Variants in PAPOLB observed in about 807,000 individuals in gnomAD.
PAPOLB encodes the protein poly(A) polymerase beta.
A neutral mutation model predicts 23.2 loss-of-function variants in PAPOLB; 19 were observed. That is an observed-to-expected ratio of 0.82 (90% CI 0.57 to 1.20). PAPOLB has a LOEUF of 1.20. Among genes scored for constraint, PAPOLB ranks in the 50% most tolerant of loss-of-function variants. PAPOLB has a pLI of 0.00. For synonymous variants in PAPOLB, 360 were observed against 290.7 expected, an observed-to-expected ratio of 1.24 and a Z score of -2.43; for missense variants, 822 against 776.8, an observed-to-expected ratio of 1.06 and a Z score of -0.69.
Position 4,858,285 on chromosome 7 carries a change from G to T in PAPOLB, c.*1612C>A, listed in dbSNP as rs781521587. 1 of 152,142 alleles carries T rather than the reference G, an allele frequency of 6.6e-6. No individual in the cohort carries two copies. The highest frequency in any genetic ancestry group is 2.4e-5 in the African/African-American group (1 of 41,414). 9.4% of individuals were successfully genotyped at this position (152,142 alleles called of 1,614,324 possible). A position where few individuals can be genotyped will look rare whatever the true frequency, so the allele number is the denominator to read the frequency against. On this transcript the variant is annotated 3_prime_UTR_variant, in exon 1 of 1. Coordinates refer to ENST00000404991, the MANE Select transcript of PAPOLB (RefSeq NM_020144.5). The stretch of plus-strand genomic sequence containing the variant: ...TGCAGAGTTAGAGGAGGGACGGGAG[G>T]GGTTAAAGCAAGGCTAATTGGAAAG...
chr7:4,860,283 AGTGTGCTTTCTTG>A lies in PAPOLB; in HGVS notation c.1515_1527del (p.Lys506GlnfsTer7), dbSNP rs1392290901. The A allele has an allele frequency of 2.1e-5, 34 of 1,613,830 alleles. No individual in the cohort carries two copies. The highest frequency in any genetic ancestry group is 2.6e-5 in the Non-Finnish European group (31 of 1,179,876). ...TCTGTCAATCTTCTACCTTCTGTTG[AGTGTGCTTTCTTG>A]TCCTGAAGCACATGATGAGGCAGCA... On this transcript the variant is annotated frameshift_variant, in exon 1 of 1. Transcript: ENST00000404991.
rs375018639 is a variant in PAPOLB, at chr7:4,860,394, C to T, written c.1417G>A (p.Val473Met). 1.9e-6 allele frequency: 3 copies of T among 1,614,004 alleles called. No individual in the cohort carries two copies. In the South Asian group the frequency reaches 3.3e-5, roughly 18 times the overall value. Reference protein sequence around the residue: ...SFTDTVYRQAVNSKMFEMGMK... With the variant: ...SFTDTVYRQAMNSKMFEMGMK... ...CCCATCTCAAACATCTTACTATTCACTGCTTGCCTATAAACAGTATCTGTG... is the reference window on the plus strand; with the variant it reads ...CCCATCTCAAACATCTTACTATTCATTGCTTGCCTATAAACAGTATCTGTG... Residue 473 changes from valine (V) to methionine (M), a missense_variant, in exon 1 of 1, where the codon GTG (valine) becomes ATG (methionine). Transcript: ENST00000404991.
chr7:4,860,727 G>C lies in PAPOLB; in HGVS notation c.1084C>G (p.Leu362Val), dbSNP rs764807553. The stretch of plus-strand genomic sequence containing the variant: ...TGAAAGAAGCTTGGAGCTTCAAAGA[G>C]TTTGGACCACTCTGCCTTACTTAGC... ...ILLSKAEWSK[L>V]FEAPSFFQKY... is the part of the protein sequence containing the mutation. Residue 362 changes from leucine (L) to valine (V), a missense_variant, in exon 1 of 1, where the codon CTC becomes GTC. By Grantham distance (32) the Leu-to-Val change is conservative. Coordinates refer to ENST00000404991, the MANE Select transcript of PAPOLB (RefSeq NM_020144.5). 6 of 1,614,134 alleles carry C rather than the reference G, an allele frequency of 3.7e-6. No individual in the cohort carries two copies. In the East Asian group the frequency reaches 8.9e-5, roughly 24 times the overall value.
rs1260112401 is a variant in PAPOLB, at chr7:4,860,760, C to T, written c.1051G>A (p.Glu351Lys). 15 of 1,613,994 alleles carry T rather than the reference C, an allele frequency of 9.3e-6. No homozygotes were observed. Among genetic ancestry groups the T allele is most frequent in the South Asian group, 2.2e-5 (2 of 91,074 alleles). ...CACTCTGCCTTACTTAGCAAAATCT[C>T]GTGTGTGATAGCAAGCCCCTGTTTA... is the stretch of plus-strand genomic sequence containing the variant. ...EFKQGLAITH[E>K]ILLSKAEWSK... The change falls in exon 1 of 1, where the codon GAG becomes AAG. Residue 351 changes from glutamate to lysine, a missense_variant. Glu to Lys is a moderately conservative substitution (Grantham distance 56). Transcript: ENST00000404991.
rs1191463750 is a variant in PAPOLB at position 4,861,095 on chromosome 7, G to A, written c.716C>T (p.Ser239Phe). Residue 239 changes from serine (S) to phenylalanine (F), a missense_variant, in exon 1 of 1, where the codon TCC becomes TTC. Around this residue, in one of 3 missense-constraint regions of PAPOLB, gnomAD observed 534 missense variants for 502.8 expected, o/e 1.06. Coordinates refer to ENST00000404991, the MANE Select transcript of PAPOLB (RefSeq NM_020144.5). ...KLWAKCHNIY[S>F]NILGFLGGVS... is the part of the protein sequence containing the mutation. The stretch of plus-strand genomic sequence containing the variant: ...ACCTCCGAGGAAACCTAATATATTG[G>A]AATAGATATTGTGGCACTTGGCCCA... The A allele has an allele frequency of 6.2e-7, 1 of 1,614,166 alleles. No individual in the cohort carries two copies. The highest frequency in any genetic ancestry group is 8.5e-7 in the Non-Finnish European group (1 of 1,179,996).
rs1783920326 is a variant in PAPOLB, at chr7:4,859,525, GC to G, written c.*371del. ...TAATGTGGACTTCTGATCAAGACTG[GC>G]TCAGTAAAGGAAGTTACCAAATGAG... is the stretch of plus-strand genomic sequence containing the variant. On this transcript the variant is annotated 3_prime_UTR_variant, in exon 1 of 1. Transcript: ENST00000404991. The G allele has an allele frequency of 5.0e-6, 1 of 199,202 alleles. No homozygotes were observed. Among genetic ancestry groups the G allele is most frequent in the African/African-American group, 2.4e-5 (1 of 42,428 alleles). The allele number at this position is 199,202 out of a possible 1,614,324, so 12.3% of individuals were successfully genotyped here.
chr7:4,860,554 T>C lies in PAPOLB; in HGVS notation c.1257A>G (p.Pro419=), dbSNP rs762298665. The C allele has an allele frequency of 8.1e-6, 13 of 1,614,132 alleles. No individual in the cohort carries two copies. The East Asian group carries it at 2.7e-4, about 33-fold the overall frequency. ...TTTCTTTGGGTGCTGGAAATGACTG[T>C]GGATTCACATGTGCCAGTGTAATAA... ...NEFITLAHVN[P]QSFPAPKENP... Residue 419 remains proline (P), a synonymous_variant, in exon 1 of 1, where the codon CCA becomes CCG. Transcript: ENST00000404991.
In PAPOLB at chr7:4,861,384, C is replaced by G; in HGVS notation, c.427G>C (p.Glu143Gln). The change falls in exon 1 of 1, where the codon GAA (glutamate) becomes CAA (glutamine). Residue 143 changes from glutamate (E) to glutamine (Q), a missense_variant. Physicochemically the swap from Glu to Gln is conservative, Grantham distance 29. Coordinates refer to ENST00000404991, the MANE Select transcript of PAPOLB (RefSeq NM_020144.5). ...TCGACAGCCCTTAAATCTTTCACTT[C>G]CTCCTGTAGTTTCAGTTTAGCATAG... ...SFYAKLKLQE[E>Q]VKDLRAVEEA... is the part of the protein sequence containing the mutation. 6.2e-7 allele frequency: 1 copy of G among 1,614,222 alleles called. No individual in the cohort carries two copies. Among genetic ancestry groups the G allele is most frequent in the Non-Finnish European group, 8.5e-7 (1 of 1,180,028 alleles).
chr7:4,860,682 C>A lies in PAPOLB; in HGVS notation c.1129G>T (p.Val377Leu). 1 of 1,614,166 alleles carries A rather than the reference C, an allele frequency of 6.2e-7. No individual in the cohort carries two copies. Among genetic ancestry groups the A allele is most frequent in the East Asian group, 2.2e-5 (1 of 44,884 alleles). ...TCTGTTGATGCACTTGCCAGAAGTA[C>A]AATATAATGCTTGTACTTTTGAAAG... ...SFFQKYKHYIVLLASASTEKQ... is the reference protein window; with the variant it reads ...SFFQKYKHYILLLASASTEKQ... Residue 377 changes from valine to leucine, a missense_variant, in exon 1 of 1, where the codon GTA (valine) becomes TTA (leucine). By Grantham distance (32) the Val-to-Leu change is conservative. Around this residue, in one of 3 missense-constraint regions of PAPOLB, gnomAD observed 534 missense variants for 502.8 expected, o/e 1.06. Coordinates refer to ENST00000404991, the MANE Select transcript of PAPOLB (RefSeq NM_020144.5).
chr7:4,861,046 T>C lies in PAPOLB; in HGVS notation c.765A>G (p.Ala255=), dbSNP rs1392538042. 6.2e-7 allele frequency: 1 copy of C among 1,614,234 alleles called. No individual in the cohort carries two copies. Among genetic ancestry groups the C allele is most frequent in the African/African-American group, 1.3e-5 (1 of 75,062 alleles). The change falls in exon 1 of 1, where the codon GCA becomes GCG. Residue 255 remains alanine (A), a synonymous_variant. Transcript: ENST00000404991. ...CATTTGGATAAAGCTGACAAGTTCTTGCTACTAGCATGGCCCAGGAAACAC... is the reference window on the plus strand; with the variant it reads ...CATTTGGATAAAGCTGACAAGTTCTCGCTACTAGCATGGCCCAGGAAACAC... ...LGGVSWAMLV[A]RTCQLYPNAV...
chr7:4,861,865 C>G lies in PAPOLB; in HGVS notation c.-55G>C. On this transcript the variant is annotated 5_prime_UTR_variant, in exon 1 of 1. Coordinates refer to ENST00000404991, the MANE Select transcript of PAPOLB (RefSeq NM_020144.5). ...CCCCCACCACCGCGACCTTCGCGGC[C>G]GCCGCCCGGGTCATGATCCGCTGAG... 2.4e-6 allele frequency: 3 copies of G among 1,256,634 alleles called. No homozygotes were observed. Among genetic ancestry groups the G allele is most frequent in the Non-Finnish European group, 3.2e-6 (3 of 951,056 alleles). The allele number at this position is 1,256,634 out of a possible 1,614,324, so 77.8% of individuals were successfully genotyped here.
In PAPOLB at chr7:4,859,409, G is replaced by A. The variant is rs1783916417; in HGVS notation, c.*488C>T. 6.4e-6 allele frequency: 1 copy of A among 155,980 alleles called. No homozygotes were observed. Among genetic ancestry groups the A allele is most frequent in the Non-Finnish European group, 1.4e-5 (1 of 70,250 alleles). The allele number at this position is 155,980 out of a possible 1,614,324, so 9.7% of individuals were successfully genotyped here. Reference sequence around the variant, plus strand: ...GTCACGGGTACAAACATAGCTGAAAGGTTTTTTCATTTTAAGGGCAGTAGT... The same window carrying A: ...GTCACGGGTACAAACATAGCTGAAAAGTTTTTTCATTTTAAGGGCAGTAGT... On this transcript the variant is annotated 3_prime_UTR_variant, in exon 1 of 1. Coordinates refer to ENST00000404991, the MANE Select transcript of PAPOLB (RefSeq NM_020144.5).
Position 4,860,672 on chromosome 7 carries a change from G to A in PAPOLB, c.1139C>T (p.Ala380Val). 1 of 1,614,088 alleles carries A rather than the reference G, an allele frequency of 6.2e-7. No homozygotes were observed. Among genetic ancestry groups the A allele is most frequent in the Non-Finnish European group, 8.5e-7 (1 of 1,179,970 alleles). Residue 380 changes from alanine to valine, a missense_variant, in exon 1 of 1, where the codon GCA (alanine) becomes GTA (valine). Physicochemically the swap from Ala to Val is moderately conservative, Grantham distance 64. Around this residue, in one of 3 missense-constraint regions of PAPOLB, gnomAD observed 534 missense variants for 502.8 expected, o/e 1.06. Coordinates refer to ENST00000404991, the MANE Select transcript of PAPOLB (RefSeq NM_020144.5). ...ATGTTGTTTTTCTGTTGATGCACTT[G>A]CCAGAAGTACAATATAATGCTTGTA... ...QKYKHYIVLL[A>V]SASTEKQHLE...
chr7:4,861,525 C>T lies in PAPOLB; in HGVS notation c.286G>A (p.Gly96Arg), dbSNP rs775933291. Residue 96 changes from glycine to arginine, a missense_variant, in exon 1 of 1, where the codon GGA becomes AGA. Coordinates refer to ENST00000404991, the MANE Select transcript of PAPOLB (RefSeq NM_020144.5). ...LPQSVIENVGGKIFTFGSYRL... is the reference protein window; with the variant it reads ...LPQSVIENVGRKIFTFGSYRL... ...TAAGAGCCAAACGTAAAAATCTTTC[C>T]TCCAACGTTTTCAATTACAGACTGG... 1.9e-6 allele frequency: 3 copies of T among 1,613,950 alleles called. No homozygotes were observed. The East Asian group carries it at 6.7e-5, about 36-fold the overall frequency.
chr7:4,861,885 G>A lies in PAPOLB; in HGVS notation c.-75C>T. On this transcript the variant is annotated 5_prime_UTR_variant, in exon 1 of 1. Coordinates refer to ENST00000404991, the MANE Select transcript of PAPOLB (RefSeq NM_020144.5). ...GCGGCCGCCGCCCGGGTCATGATCCGCTGAGGCGGAAGGGCAGGGCTTCTA... is the reference window on the plus strand; with the variant it reads ...GCGGCCGCCGCCCGGGTCATGATCCACTGAGGCGGAAGGGCAGGGCTTCTA... The A allele has an allele frequency of 1.1e-5, 6 of 558,372 alleles. No individual in the cohort carries two copies. Among genetic ancestry groups the A allele is most frequent in the South Asian group, 8.7e-5 (2 of 23,052 alleles). The allele number at this position is 558,372 out of a possible 1,614,324, so 34.6% of individuals were successfully genotyped here.
Position 4,857,788 on chromosome 7 carries a change from G to C in PAPOLB, c.*2109C>G, listed in dbSNP as rs1355326479. The C allele has an allele frequency of 6.6e-6, 1 of 152,484 alleles. No homozygotes were observed. Among genetic ancestry groups the C allele is most frequent in the Non-Finnish European group, 1.5e-5 (1 of 68,016 alleles). The allele number at this position is 152,484 out of a possible 1,614,324, so 9.4% of individuals were successfully genotyped here. A position where few individuals can be genotyped will look rare whatever the true frequency, so the allele number is the denominator to read the frequency against. On this transcript the variant is annotated 3_prime_UTR_variant, in exon 1 of 1. Transcript: ENST00000404991. The stretch of plus-strand genomic sequence containing the variant: ...TTTTTAATGGAGAAATAAGTCATCT[G>C]TTTTCAAAACAGTGCTTGAATATAC...
chr7:4,860,687 T>C lies in PAPOLB; in HGVS notation c.1124A>G (p.Tyr375Cys). The C allele has an allele frequency of 6.2e-7, 1 of 1,614,148 alleles. No individual in the cohort carries two copies. Among genetic ancestry groups the C allele is most frequent in the Non-Finnish European group, 8.5e-7 (1 of 1,179,946 alleles). The change falls in exon 1 of 1, where the codon TAT becomes TGT. Residue 375 changes from tyrosine to cysteine, a missense_variant. Transcript: ENST00000404991. ...TGATGCACTTGCCAGAAGTACAATA[T>C]AATGCTTGTACTTTTGAAAGAAGCT... ...APSFFQKYKH[Y>C]IVLLASASTE...
At position 4,858,794 on chromosome 7, in the gene PAPOLB, G is replaced by A. The variant is rs573593332; in HGVS notation, c.*1103C>T. ...TGGTGTTTTGTGCCATGTGGCCACA[G>A]GATTGTCAGTTTCACATCATGGTTT... is the stretch of plus-strand genomic sequence containing the variant. On this transcript the variant is annotated 3_prime_UTR_variant, in exon 1 of 1. Coordinates refer to ENST00000404991, the MANE Select transcript of PAPOLB (RefSeq NM_020144.5). The A allele has an allele frequency of 1.0e-4, 16 of 152,412 alleles. No homozygotes were observed. The highest frequency in any genetic ancestry group is 3.9e-4 in the African/African-American group (16 of 41,546). 9.4% of individuals were successfully genotyped at this position (152,412 alleles called of 1,614,324 possible). A position where few individuals can be genotyped will look rare whatever the true frequency, so the allele number is the denominator to read the frequency against.
At position 4,860,482 on chromosome 7, in the gene PAPOLB, C is replaced by A. The variant is rs1397554279; in HGVS notation, c.1329G>T (p.Gly443=). Residue 443 remains glycine, a synonymous_variant, in exon 1 of 1, where the codon GGG becomes GGT. Transcript: ENST00000404991. ...TTTCAGAATTATCTGGCTTTTTTAG[C>A]CCTAACCCAATCACCCACATTGTAC... is the stretch of plus-strand genomic sequence containing the variant. ...EFRTMWVIGL[G]LKKPDNSEIL... is the part of the protein sequence containing the mutation. The A allele has an allele frequency of 6.2e-7, 1 of 1,614,068 alleles. No homozygotes were observed. Among genetic ancestry groups the A allele is most frequent in the Non-Finnish European group, 8.5e-7 (1 of 1,179,958 alleles).
Sources: allele counts gnomAD v4.1 joint callset, GRCh38; gene constraint gnomAD v4.1.1; regional missense constraint gnomAD v4.1.1; transcripts MANE v1.5; gene names NCBI Gene and HGNC (gene_info 2026-07-23, HGNC 2026-07-21).